The following COL22A1 variants were observed in gnomAD, a reference collection of about 807,000 sequenced individuals.
The protein encoded by COL22A1 is collagen type XXII alpha 1 chain.
COL22A1 carries 221 observed loss-of-function variants against 248.9 expected under a neutral mutation model. The ratio of observed to expected loss-of-function variants is 0.89; its 90% CI spans 0.80 to 0.99. The LOEUF (loss-of-function observed/expected upper bound fraction) is 0.99. Among genes scored for constraint, COL22A1 ranks in the 50% least tolerant of loss-of-function variants. The pLI is 0.00. For missense variants in COL22A1, 2,240 were observed against 2,179.0 expected (o/e 1.03, Z -0.56); for synonymous variants, 891 against 793.4 (o/e 1.12, Z -2.07).
intron 41 of COL22A1, among the ~76,000 whole-genome samples, chr8:138,665,881 T>G (rs1455862534): frequency 6.6e-6 from 1 of 152,106 alleles, no homozygotes; most frequent in Non-Finnish European, 1.5e-5. Flanking sequence ...CAGAGTACAT[T>G]TTTAGAAATA....
chr8:138,856,866 G>A (rs888779381), intron 3 of COL22A1, among the ~76,000 whole-genome samples: 11 of 152,162 alleles, frequency 7.2e-5, no homozygotes, highest in African/African-American at 2.7e-4. Context: ...CAGCCTGGCA[G>A]GCATGGATAG....
At chr8:138,754,422 A>C (rs1832835759) in intron 21 of COL22A1, among the ~76,000 whole-genome samples, 1 of 152,226 alleles carries the variant, frequency 6.6e-6, no homozygotes, top group African/African-American at 2.4e-5. Flanking sequence ...AAAACATATA[A>C]ATATATCCTC....
intron 16 of COL22A1, 143 bp from the exon 17 acceptor site, chr8:138,762,609 C>CACATACA (rs35492380): frequency 6.4e-5 from 41 of 640,168 alleles, no homozygotes; most frequent in Non-Finnish European, 1.0e-4. Context: ...CACACACACA[C>CACATACA]AACAGCCCTA....
intron 23 of COL22A1, among the ~76,000 whole-genome samples, chr8:138,727,592 G>A (rs1182595891): frequency 2.0e-5 from 3 of 152,178 alleles, no homozygotes; most frequent in African/African-American, 7.2e-5. Flanking sequence ...GGCAGAGGTG[G>A]CCGCATCGGT....
intron 12 of COL22A1, among the ~76,000 whole-genome samples, chr8:138,785,213 C>G (rs943239929): frequency 3.3e-5 from 5 of 152,208 alleles, no homozygotes; most frequent in Non-Finnish European, 5.9e-5. Flanking sequence ...ACTCATTTGA[C>G]TGCCTCAGAG....
At position 138,728,998 on chromosome 8, in the gene COL22A1, C is replaced by T. The variant is rs377169700; in HGVS notation, c.2140-3558G>A. Reference sequence around the variant, plus strand: ...ATAACATCCCAGGAAGAAGCACAACCCGGGAGAGAGAAAAAAACCAGAAAG... The same window carrying T: ...ATAACATCCCAGGAAGAAGCACAACTCGGGAGAGAGAAAAAAACCAGAAAG... On this transcript the variant is annotated intron_variant, in intron 23 of 64. Transcript: ENST00000303045. Among the ~76,000 whole-genome samples the T allele has an allele frequency of 4.6e-5, 7 of 152,054 alleles. No homozygotes were observed. The East Asian group carries it at 1.4e-3, about 29-fold the overall frequency.
intron 42 of COL22A1, among the ~76,000 whole-genome samples, chr8:138,662,510 C>A (rs1014465129): frequency 6.6e-6 from 1 of 152,132 alleles, no homozygotes; most frequent in Non-Finnish European, 1.5e-5. Context: ...ATATGCCTGG[C>A]GATTACAACT....
At chr8:138,847,652 T>G (rs1045987064) in intron 3 of COL22A1, among the ~76,000 whole-genome samples, 4 of 152,190 alleles carry the variant, frequency 2.6e-5, no homozygotes, top group Admixed American at 6.5e-5. Context: ...GTTTCCTTGA[T>G]GTAAGGGATA....
intron 1 of COL22A1, among the ~76,000 whole-genome samples, chr8:138,891,173 C>T (rs749469006): frequency 2.4e-4 from 37 of 152,226 alleles, no homozygotes; most frequent in South Asian, 6.2e-4. Context: ...CTGAAAACTA[C>T]GAAACACTAG....
chr8:138,703,424 A>G lies in COL22A1; in HGVS notation c.2518-77T>C, dbSNP rs368203379. 34 of 1,366,446 alleles carry G rather than the reference A, an allele frequency of 2.5e-5. No individual in the cohort carries two copies. In the African/African-American group the frequency reaches 3.3e-4, roughly 13 times the overall value. The allele number at this position is 1,366,446 out of a possible 1,614,324, so 84.6% of individuals were successfully genotyped here. On this transcript the variant is annotated intron_variant, in intron 30 of 64. Transcript: ENST00000303045. ...CTTATGCTGCAACAGATCAGCTAAC[A>G]CTATTTTCCCCAGACAACAGAAGGT...
chr8:138,803,769 C>T (rs1288098498), intron 10 of COL22A1, among the ~76,000 whole-genome samples: 1 of 152,194 alleles, frequency 6.6e-6, no homozygotes, highest in African/African-American at 2.4e-5. Context: ...TAGGTGTAGG[C>T]ACAGGAAACA....
chr8:138,639,914 A>C (rs1821515628), intron 47 of COL22A1, among the ~76,000 whole-genome samples: 1 of 152,218 alleles, frequency 6.6e-6, no homozygotes, highest in Non-Finnish European at 1.5e-5. Context: ...CTTTGCTTTG[A>C]ATAAGGTCAA....
intron 3 of COL22A1, among the ~76,000 whole-genome samples, chr8:138,869,333 T>C (rs1823139822): frequency 6.6e-6 from 1 of 152,162 alleles, no homozygotes; most frequent in South Asian, 2.1e-4. Context: ...AATTTGGGAA[T>C]GATTGAAGAG....
At chr8:138,906,467 T>A (rs550872784) in intron 1 of COL22A1, among the ~76,000 whole-genome samples, 54 of 152,138 alleles carry the variant, frequency 3.5e-4, no homozygotes, top group Non-Finnish European at 6.6e-4. Flanking sequence ...GGAACAATGA[T>A]GCGCACAGAG....
chr8:138,748,304 C>T (rs1052981815), intron 22 of COL22A1, among the ~76,000 whole-genome samples: 2 of 152,182 alleles, frequency 1.3e-5, no homozygotes, highest in African/African-American at 2.4e-5. Context: ...GCTCCTTAGC[C>T]GACCTGTGAG....
At chr8:138,766,247 G>A (rs147949195) in intron 16 of COL22A1, among the ~76,000 whole-genome samples, 63 of 152,318 alleles carry the variant, frequency 4.1e-4, no homozygotes, top group African/African-American at 1.5e-3. Context: ...TCCTCTGACT[G>A]CAGCTTAGGA....
At chr8:138,650,723 T>TAGATAGAC (rs901479860) in intron 45 of COL22A1, among the ~76,000 whole-genome samples, 3 of 147,860 alleles carry the variant, frequency 2.0e-5, no homozygotes, top group African/African-American at 7.5e-5. Flanking sequence ...GATAGACAGA[T>TAGATAGAC]AGACAGATAC....
intron 6 of COL22A1, among the ~76,000 whole-genome samples, chr8:138,822,977 C>T (rs970150286): frequency 2.0e-5 from 3 of 152,186 alleles, no homozygotes; most frequent in African/African-American, 4.8e-5. Context: ...ATCCCTTAAC[C>T]GCATCAGCTC....
chr8:138,641,810 T>C (rs1311128603), intron 47 of COL22A1, among the ~76,000 whole-genome samples: 2 of 152,180 alleles, frequency 1.3e-5, no homozygotes, highest in Non-Finnish European at 2.9e-5. Context: ...CTGACAATGA[T>C]TGTAAGTACT....
Sources: allele counts gnomAD v4.1 joint callset (sites outside exome capture counted in the v4.1 genomes callset), GRCh38; gene constraint gnomAD v4.1.1; transcripts MANE v1.5; gene names NCBI Gene and HGNC (gene_info 2026-07-23, HGNC 2026-07-21).